DLGAP3: variants seen among roughly 807,000 people sequenced by gnomAD.
DLGAP3 encodes disks large-associated protein 3.
In DLGAP3, 17 loss-of-function variants were observed where a neutral mutation model predicts 81.2. The ratio of observed to expected loss-of-function variants is 0.21; its 90% CI spans 0.14 to 0.31. The LOEUF (loss-of-function observed/expected upper bound fraction) is 0.31. Ranked by LOEUF, DLGAP3 falls within the 10% of genes least tolerant of loss-of-function variation. The pLI is 1.00. For missense variants in DLGAP3, 1,124 were observed against 1,388.0 expected, an observed-to-expected ratio of 0.81 and a Z score of 3.02; for synonymous variants, 577 against 587.4, an observed-to-expected ratio of 0.98 and a Z score of 0.26.
chr1:34,904,262 C>T lies in DLGAP3; in HGVS notation c.1107+15G>A. 1 of 1,601,158 alleles carries T rather than the reference C, an allele frequency of 6.2e-7. No individual in the cohort carries two copies. The highest frequency in any genetic ancestry group is 8.5e-7 in the Non-Finnish European group (1 of 1,179,940). On this transcript the variant is annotated intron_variant, in intron 3 of 11. Coordinates refer to ENST00000373347, the MANE Select transcript of DLGAP3 (RefSeq NM_001080418.3). This position sits in a 1 kb window ranked among gnomAD's most constrained non-coding sequence, Gnocchi z 8.1. Reference sequence around the variant, plus strand: ...AGGCTAAGGACTCTGTTCCCCAACCCCAAAAAAGCCTCACCTGCAGATAGT... The same window carrying T: ...AGGCTAAGGACTCTGTTCCCCAACCTCAAAAAAGCCTCACCTGCAGATAGT...
Position 34,899,996 on chromosome 1 carries a change from C to T in DLGAP3, c.1313+72G>A, listed in dbSNP as rs1005982958. 4.4e-6 allele frequency: 6 copies of T among 1,355,978 alleles called. No homozygotes were observed. The African/African-American group carries it at 8.6e-5, about 19-fold the overall frequency. 84.0% of individuals were successfully genotyped at this position (1,355,978 alleles called of 1,614,324 possible). A position where few individuals can be genotyped will look rare whatever the true frequency, so the allele number is the denominator to read the frequency against. On this transcript the variant is annotated intron_variant, in intron 4 of 11. Coordinates refer to ENST00000373347, the MANE Select transcript of DLGAP3 (RefSeq NM_001080418.3). ...CAGGACTACCTGACTGGCACCCACT[C>T]TACACACATCTCCCGCAGGAGTCCA...
intron 1 of DLGAP3, chr1:34,925,403 T>C (rs1383336407): frequency 1.3e-5 from 2 of 152,596 alleles, no homozygotes; most frequent in African/African-American, 4.8e-5. Context: ...CAGACAGATG[T>C]GGTGGGGGGA....
chr1:34,874,927 G>A (rs779984523), intron 8 of DLGAP3, among the ~76,000 whole-genome samples: 3 of 152,076 alleles, frequency 2.0e-5, no homozygotes, highest in Non-Finnish European at 4.4e-5. Flanking sequence ...GCATCTAAGA[G>A]CCTAAACATA....
intron 3 of DLGAP3, among the ~76,000 whole-genome samples, chr1:34,901,721 C>T (rs1489952556): frequency 2.0e-5 from 3 of 152,120 alleles, no homozygotes; most frequent in Non-Finnish European, 2.9e-5. Context: ...ACTGCCAGGA[C>T]ATGTCAATGA....
At chr1:34,918,131 T>TACAGACAG (rs148311624) in intron 1 of DLGAP3, among the ~76,000 whole-genome samples, 1 of 151,928 alleles carries the variant, frequency 6.6e-6, no homozygotes, top group Non-Finnish European at 1.5e-5. Flanking sequence ...CAGCCAGGCA[T>TACAGACAG]ACAGACAGAC....
chr1:34,885,852 G>A, intron 6 of DLGAP3, 61 bp from the exon 7 acceptor site: 1 of 1,334,780 alleles, frequency 7.5e-7, no homozygotes, highest in Non-Finnish European at 9.9e-7. Flanking sequence ...TGGGTCCTGG[G>A]CCCGCGCCCG....
At chr1:34,881,889 AT>A (rs1427557722) in intron 8 of DLGAP3, among the ~76,000 whole-genome samples, 1 of 152,250 alleles carries the variant, frequency 6.6e-6, no homozygotes, top group Non-Finnish European at 1.5e-5. Context: ...ATAGAAAGGA[AT>A]TTCCTTAACC....
intron 8 of DLGAP3, among the ~76,000 whole-genome samples, chr1:34,881,458 C>A (rs1175946896): frequency 1.3e-5 from 2 of 152,254 alleles, no homozygotes; most frequent in East Asian, 3.9e-4. Flanking sequence ...GGACTGCATC[C>A]CTCTTCCTCT....
chr1:34,868,713 G>T lies in DLGAP3; in HGVS notation c.2377C>A (p.Arg793Ser). Residue 793 changes from arginine (R) to serine (S), a missense_variant, in exon 9 of 12, where the codon CGC (arginine) becomes AGC (serine). Physicochemically the swap from Arg to Ser is moderately radical, Grantham distance 110. Coordinates refer to ENST00000373347, the MANE Select transcript of DLGAP3 (RefSeq NM_001080418.3). The surrounding 1 kb of genome is among the most constrained non-coding windows in gnomAD (Gnocchi z 7.5). ...PDSGRASPCP[R>S]DGEWFIKMLR... ...ATCTTGATGAACCACTCGCCGTCGC[G>T]TGGGCAGGGGGATGCGCGGCCTGAG... The T allele has an allele frequency of 3.1e-6, 5 of 1,610,792 alleles. No homozygotes were observed. Among genetic ancestry groups the T allele is most frequent in the South Asian group, 1.1e-5 (1 of 91,088 alleles).
intron 1 of DLGAP3, among the ~76,000 whole-genome samples, chr1:34,927,360 A>T (rs899748692): frequency 6.6e-6 from 1 of 152,166 alleles, no homozygotes; most frequent in Admixed American, 6.5e-5. Flanking sequence ...ACCTTGGGCA[A>T]GTCCCCTCCC....
chr1:34,866,574 C>G (rs1638883474), intron 11 of DLGAP3, among the ~76,000 whole-genome samples: 1 of 152,198 alleles, frequency 6.6e-6, no homozygotes, highest in Non-Finnish European at 1.5e-5. Context: ...TTTTTCACTC[C>G]GGGTCCCGAC....
At chr1:34,906,555 C>T (rs1557492874) in intron 2 of DLGAP3, among the ~76,000 whole-genome samples, 1 of 152,196 alleles carries the variant, frequency 6.6e-6, no homozygotes, top group African/African-American at 2.4e-5. Flanking sequence ...CCTTCCTCTT[C>T]CGGGTTCCAA....
In DLGAP3 at chr1:34,904,698, T is replaced by C. The variant is rs1639515728; in HGVS notation, c.686A>G (p.His229Arg). Residue 229 changes from histidine (H) to arginine (R), a missense_variant, in exon 3 of 12, where the codon CAC becomes CGC. His to Arg is a conservative substitution (Grantham distance 29). Transcript: ENST00000373347. The surrounding 1 kb of genome is among the most constrained non-coding windows in gnomAD (Gnocchi z 8.1). ...CCGGGACTGGTGGTGGTGGTGATGG[T>C]GGTGGTGATGGTGGTGATGGGAGGT... ...PHTSHHHHHHHHHHHHQSRHG... is the reference protein window; with the variant it reads ...PHTSHHHHHHRHHHHHQSRHG... 9 of 1,613,040 alleles carry C rather than the reference T, an allele frequency of 5.6e-6. No homozygotes were observed. The highest frequency in any genetic ancestry group is 7.6e-6 in the Non-Finnish European group (9 of 1,179,950).
chr1:34,898,175 A>C (rs1399041597), intron 5 of DLGAP3, among the ~76,000 whole-genome samples: 1 of 152,236 alleles, frequency 6.6e-6, no homozygotes, highest in Non-Finnish European at 1.5e-5. Context: ...GCTCTCAGCC[A>C]TGAGCCCAGA....
chr1:34,870,039 C>T (rs1638955632), intron 8 of DLGAP3, among the ~76,000 whole-genome samples: 1 of 152,112 alleles, frequency 6.6e-6, no homozygotes, highest in Non-Finnish European at 1.5e-5. Flanking sequence ...CTCTAGGGAC[C>T]CCGATGGCTC....
chr1:34,883,930 G>GT (rs985092809), intron 8 of DLGAP3, among the ~76,000 whole-genome samples: 24 of 151,706 alleles, frequency 1.6e-4, no homozygotes, highest in South Asian at 2.1e-4. Context: ...TGTGTTTTGG[G>GT]TTTTTTTTGA....
intron 5 of DLGAP3, among the ~76,000 whole-genome samples, chr1:34,897,783 G>C (rs183196660): frequency 1.3e-5 from 2 of 152,190 alleles, no homozygotes; most frequent in Admixed American, 1.3e-4. Context: ...TGGAAGAACC[G>C]GTGGCAGTGG....
chr1:34,924,144 A>G (rs1198470134), intron 1 of DLGAP3, among the ~76,000 whole-genome samples: 1 of 152,206 alleles, frequency 6.6e-6, no homozygotes, highest in African/African-American at 2.4e-5. Context: ...GGTTACAAAG[A>G]CAGTGCATAA....
intron 6 of DLGAP3, 78 bp downstream of exon 6, chr1:34,885,994 G>A: frequency 7.0e-7 from 1 of 1,424,436 alleles, no homozygotes; most frequent in East Asian, 2.5e-5. Context: ...TCACAGCACA[G>A]TCGAGGGGGA....
Sources: allele counts gnomAD v4.1 joint callset (sites outside exome capture counted in the v4.1 genomes callset), GRCh38; gene constraint gnomAD v4.1.1; non-coding constraint Gnocchi (gnomAD v3.1); transcripts MANE v1.5; gene names NCBI Gene and HGNC (gene_info 2026-07-23, HGNC 2026-07-21).